EML4: variants seen among roughly 807,000 people sequenced by gnomAD.
EML4 encodes the protein echinoderm microtubule-associated protein-like 4.
A neutral mutation model predicts 129.0 loss-of-function variants in EML4; 72 were observed. The ratio of observed to expected loss-of-function variants is 0.56; its 90% CI spans 0.46 to 0.68. EML4 has a LOEUF of 0.68. EML4 is among the 30% of genes least tolerant of loss of function. The probability of loss-of-function intolerance (pLI) is 0.00; values close to 1 mark genes in which losing one functional copy is unlikely to be tolerated. For synonymous variants in EML4, 532 were observed against 405.0 expected (o/e 1.31, Z -3.77); for missense variants, 1,363 against 1,190.6 (o/e 1.14, Z -2.13).
chr2:42,260,259 C>T (rs888482667), intron 3 of EML4, among the ~76,000 whole-genome samples: 8 of 152,062 alleles, frequency 5.3e-5, no homozygotes, highest in Admixed American at 1.3e-4. Flanking sequence ...ACTCCGCCTC[C>T]CTGGCTCAAG....
intron 6 of EML4, among the ~76,000 whole-genome samples, chr2:42,267,589 G>A (rs545124884): frequency 6.6e-6 from 1 of 152,314 alleles, no homozygotes; most frequent in South Asian, 2.1e-4. Context: ...GTGTCCTTCA[G>A]ACAGAGCAGA....
In EML4 at chr2:42,307,675, A is replaced by C. The variant is rs538264261; in HGVS notation, c.1967+3124A>C. On this transcript the variant is annotated intron_variant, in intron 17 of 22. Transcript: ENST00000318522. ...TATTTTATTTTATTTACTTATTTAG[A>C]GACAGTTTCCCTCTTTTGCCCAGGC... Among the ~76,000 whole-genome samples, 9 of 152,270 alleles carry C rather than the reference A, an allele frequency of 5.9e-5. No homozygotes were observed. The South Asian group carries it at 1.9e-3, about 32-fold the overall frequency.
chr2:42,175,535 G>C (rs139805538), intron 1 of EML4, among the ~76,000 whole-genome samples: 1 of 150,480 alleles, frequency 6.6e-6, no homozygotes, highest in African/African-American at 2.4e-5. Flanking sequence ...CAGAGTTTCT[G>C]TCGCCCAGGC....
intron 6 of EML4, among the ~76,000 whole-genome samples, chr2:42,267,187 G>A (rs1231490642): frequency 6.6e-6 from 1 of 152,118 alleles, no homozygotes; most frequent in Non-Finnish European, 1.5e-5. Context: ...GTAATAAAGT[G>A]TACCCAGTAC....
chr2:42,317,382 T>A lies in EML4; in HGVS notation c.2057-45T>A, dbSNP rs773826143. 5 of 1,190,644 alleles carry A rather than the reference T, an allele frequency of 4.2e-6. No individual in the cohort carries two copies. In the South Asian group the frequency reaches 6.6e-5, roughly 16 times the overall value. The allele number at this position is 1,190,644 out of a possible 1,614,324, so 73.8% of individuals were successfully genotyped here. ...ATCAGTAAAATAACAGTAAATAAATTTATCAGTATATTTCTCTAGTCAACA... is the reference window on the plus strand; with the variant it reads ...ATCAGTAAAATAACAGTAAATAAATATATCAGTATATTTCTCTAGTCAACA... On this transcript the variant is annotated intron_variant, in intron 18 of 22. Transcript: ENST00000318522.
chr2:42,195,627 C>A (rs948255437), intron 1 of EML4, among the ~76,000 whole-genome samples: 1 of 152,104 alleles, frequency 6.6e-6, no homozygotes, highest in Non-Finnish European at 1.5e-5. Flanking sequence ...TTCTGAGATA[C>A]CAGCATTAAA....
chr2:42,292,717 T>A (rs1485383149), intron 11 of EML4, among the ~76,000 whole-genome samples: 1 of 152,184 alleles, frequency 6.6e-6, no homozygotes, highest in East Asian at 1.9e-4. Context: ...TAAAACTTTA[T>A]TGAGCTATGT....
chr2:42,267,467 C>G (rs1666122106), intron 6 of EML4, among the ~76,000 whole-genome samples: 1 of 152,146 alleles, frequency 6.6e-6, no homozygotes, highest in Non-Finnish European at 1.5e-5. Context: ...CTCTTTTTGA[C>G]AATGATAGCT....
intron 17 of EML4, among the ~76,000 whole-genome samples, chr2:42,311,945 A>G (rs760727995): frequency 6.6e-6 from 1 of 152,162 alleles, no homozygotes; most frequent in Non-Finnish European, 1.5e-5. Context: ...CCTGTGTTCA[A>G]GCAATCCTCC....
intron 2 of EML4, among the ~76,000 whole-genome samples, chr2:42,253,862 T>C (rs1305728464): frequency 6.6e-6 from 1 of 152,170 alleles, no homozygotes; most frequent in African/African-American, 2.4e-5. Context: ...TTGACAAAGA[T>C]TTCATAAGTA....
At chr2:42,309,697 T>C (rs767261776) in intron 17 of EML4, among the ~76,000 whole-genome samples, 1 of 152,194 alleles carries the variant, frequency 6.6e-6, no homozygotes, top group African/African-American at 2.4e-5. Flanking sequence ...ATATCCTCTT[T>C]AGAGAAATGT....
At chr2:42,233,515 G>C (rs577513667) in intron 1 of EML4, among the ~76,000 whole-genome samples, 1 of 151,644 alleles carries the variant, frequency 6.6e-6, no homozygotes, top group East Asian at 1.9e-4. Flanking sequence ...CACCATGTTA[G>C]CCAGGGTGGT....
rs777758991 is a variant in EML4 at position 42,286,386 on chromosome 2, A to G, written c.1122+7A>G. ...CCTGGATTTTTCAAAAGCAGTAAGT[A>G]ACAATTTTTAGAGAAGTAAGCAAGC... On this transcript the variant is annotated splice_region_variant and intron_variant, in intron 10 of 22. Transcript: ENST00000318522. 1.3e-6 allele frequency: 2 copies of G among 1,559,690 alleles called. No individual in the cohort carries two copies. Among genetic ancestry groups the G allele is most frequent in the Admixed American group, 3.3e-5 (2 of 59,924 alleles).
intron 19 of EML4, among the ~76,000 whole-genome samples, chr2:42,323,817 A>T (rs1194274355): frequency 6.7e-6 from 1 of 150,026 alleles, no homozygotes; most frequent in African/African-American, 2.4e-5. Context: ...GGTGATGCGC[A>T]CCTGTAGTCC....
intron 11 of EML4, among the ~76,000 whole-genome samples, chr2:42,293,394 C>T (rs1667765575): frequency 6.6e-6 from 1 of 152,164 alleles, no homozygotes; most frequent in Non-Finnish European, 1.5e-5. Context: ...AGCCACAACA[C>T]CTGGCCTAGA....
chr2:42,256,411 C>A, intron 2 of EML4, 90 bp from the exon 3 acceptor site: 1 of 1,302,388 alleles, frequency 7.7e-7, no homozygotes, highest in South Asian at 1.6e-5. Flanking sequence ...TTCTACCACC[C>A]CCTCCTTCCA....
chr2:42,238,882 C>T (rs1353973086), intron 1 of EML4, among the ~76,000 whole-genome samples: 2 of 152,176 alleles, frequency 1.3e-5, no homozygotes, highest in African/African-American at 4.8e-5. Context: ...CTCTTAGGCT[C>T]AAGTGATCCT....
intron 2 of EML4, among the ~76,000 whole-genome samples, chr2:42,251,531 G>A (rs1675766594): frequency 6.6e-6 from 1 of 152,230 alleles, no homozygotes; most frequent in Non-Finnish European, 1.5e-5. Flanking sequence ...GAGGAAGGTA[G>A]AAGTATACAG....
chr2:42,323,779 A>C (rs1669643703), intron 19 of EML4, among the ~76,000 whole-genome samples: 4 of 148,150 alleles, frequency 2.7e-5, no homozygotes, highest in Admixed American at 2.7e-4. Context: ...ACCAAAAAAA[A>C]AAAAACAAAC....
Sources: gnomAD v4.1 joint callset for allele counts (sites outside exome capture counted in the v4.1 genomes callset) on GRCh38, gnomAD v4.1.1 for gene constraint, MANE v1.5 for transcripts, NCBI Gene and HGNC (gene_info 2026-07-23, HGNC 2026-07-21) for gene names.